Variants in CPQ observed in about 807,000 individuals in gnomAD.
The protein encoded by CPQ is carboxypeptidase Q, also known as Ser-Met dipeptidase.
A neutral mutation model predicts 45.7 loss-of-function variants in CPQ; 37 were observed. The observed-to-expected ratio is 0.81, with a 90% CI of 0.62 to 1.07. The LOEUF (loss-of-function observed/expected upper bound fraction) is 1.07. Among genes scored for constraint, CPQ ranks in the 50% least tolerant of loss-of-function variants. CPQ has a pLI of 0.00. For missense variants in CPQ, 537 were observed against 572.9 expected (o/e 0.94, Z 0.64); for synonymous variants, 186 against 205.8 (o/e 0.90, Z 0.82).
At chr8:97,102,912 T>G (rs1261947495) in intron 7 of CPQ, among the ~76,000 whole-genome samples, 2 of 152,188 alleles carry the variant, frequency 1.3e-5, no homozygotes, top group African/African-American at 2.4e-5. Flanking sequence ...TCTGCTTCAC[T>G]GGGCTAAAGT....
At chr8:96,757,643 T>C (rs369328108) in intron 1 of CPQ, among the ~76,000 whole-genome samples, 2 of 152,154 alleles carry the variant, frequency 1.3e-5, no homozygotes, top group East Asian at 1.9e-4. Context: ...TTTCAGCTTG[T>C]TCTCTATTTA....
At chr8:96,670,050 T>A (rs1808980705) in intron 1 of CPQ, among the ~76,000 whole-genome samples, 1 of 152,226 alleles carries the variant, frequency 6.6e-6, no homozygotes, top group Admixed American at 6.5e-5. Flanking sequence ...AGAACTCATA[T>A]CTGAACAAAG....
At chr8:96,923,817 A>AC (rs1298446640) in intron 4 of CPQ, among the ~76,000 whole-genome samples, 1 of 152,216 alleles carries the variant, frequency 6.6e-6, no homozygotes, top group African/African-American at 2.4e-5. Context: ...GGGAAAAAAA[A>AC]CAACAAAATA....
intron 4 of CPQ, among the ~76,000 whole-genome samples, chr8:96,883,109 C>A (rs1254197876): frequency 6.6e-6 from 1 of 152,160 alleles, no homozygotes; most frequent in Non-Finnish European, 1.5e-5. Flanking sequence ...TCAGTTGTTT[C>A]TTCCTTTATA....
intron 1 of CPQ, among the ~76,000 whole-genome samples, chr8:96,730,904 T>A (rs556191168): frequency 0.022 from 3,164 of 142,128 alleles, 96 homozygotes; most frequent in Admixed American, 0.043. Context: ...CATTTTTTTT[T>A]AAAAAGATAC....
rs17796826 is a variant in CPQ at position 96,951,758 on chromosome 8, T to C, written c.850-14177T>C. Among the ~76,000 whole-genome samples, 932 of 152,232 alleles carry C rather than the reference T, an allele frequency of 6.1e-3. 11 individuals carry two copies. In the Middle Eastern group the frequency reaches 0.078, roughly 13 times the overall value. The stretch of plus-strand genomic sequence containing the variant: ...TACTCCCTCTAATTCAAACTGGCAG[T>C]GCATAGTACCCTAAACCAGTGCCCG... On this transcript the variant is annotated intron_variant, in intron 4 of 7. Coordinates refer to ENST00000220763, the MANE Select transcript of CPQ (RefSeq NM_016134.4).
At chr8:97,124,026 C>A (rs56381060) in intron 7 of CPQ, among the ~76,000 whole-genome samples, 1 of 151,754 alleles carries the variant, frequency 6.6e-6, no homozygotes, top group African/African-American at 2.4e-5. Context: ...GAGTTTGAGA[C>A]CAGCCTGGCC....
At chr8:96,957,627 G>A (rs545384887) in intron 4 of CPQ, among the ~76,000 whole-genome samples, 6 of 151,914 alleles carry the variant, frequency 3.9e-5, no homozygotes, top group South Asian at 2.1e-4. Flanking sequence ...GGTGAAAACC[G>A]GTATCTACTG....
chr8:96,863,557 C>T (rs771223104), intron 3 of CPQ, among the ~76,000 whole-genome samples: 12 of 151,928 alleles, frequency 7.9e-5, no homozygotes, highest in Admixed American at 1.3e-4. Flanking sequence ...AATTAATGAG[C>T]TTATTTCTTT....
chr8:96,703,698 G>A (rs1350410537), intron 1 of CPQ, among the ~76,000 whole-genome samples: 1 of 152,074 alleles, frequency 6.6e-6, no homozygotes, highest in Non-Finnish European at 1.5e-5. Context: ...ATAAGATTAA[G>A]GTCCATCTGT....
At chr8:96,916,143 A>G (rs1812729748) in intron 4 of CPQ, among the ~76,000 whole-genome samples, 2 of 152,168 alleles carry the variant, frequency 1.3e-5, no homozygotes, top group South Asian at 4.1e-4. Flanking sequence ...ACTTTAGAGT[A>G]TGCGAGTTGA....
chr8:96,720,831 G>A (rs1281703722), intron 1 of CPQ, among the ~76,000 whole-genome samples: 1 of 152,112 alleles, frequency 6.6e-6, no homozygotes, highest in Admixed American at 6.5e-5. Context: ...TCCCTGCCAA[G>A]AACTAATTTT....
intron 1 of CPQ, among the ~76,000 whole-genome samples, chr8:96,645,713 A>G (rs1305886369): frequency 1.6e-4 from 25 of 151,820 alleles, no homozygotes. Flanking sequence ...CCTTCCCAAC[A>G]CGGTTTCACT....
At chr8:97,117,151 T>A (rs1811609025) in intron 7 of CPQ, among the ~76,000 whole-genome samples, 1 of 152,238 alleles carries the variant, frequency 6.6e-6, no homozygotes, top group Non-Finnish European at 1.5e-5. Flanking sequence ...TGGTTTTTCA[T>A]GTATATTTTT....
At chr8:97,091,670 T>C (rs951618960) in intron 7 of CPQ, among the ~76,000 whole-genome samples, 11 of 152,184 alleles carry the variant, frequency 7.2e-5, no homozygotes, top group African/African-American at 2.7e-4. Flanking sequence ...GATTTCAAAA[T>C]GCAAATCCCT....
intron 1 of CPQ, among the ~76,000 whole-genome samples, chr8:96,697,972 A>G (rs1000061575): frequency 6.6e-6 from 1 of 152,122 alleles, no homozygotes; most frequent in Non-Finnish European, 1.5e-5. Context: ...CATGATACCA[A>G]TGACTTTCTT....
At chr8:97,096,584 C>T (rs918324272) in intron 7 of CPQ, among the ~76,000 whole-genome samples, 2 of 152,112 alleles carry the variant, frequency 1.3e-5, no homozygotes, top group African/African-American at 4.8e-5. Context: ...TTGGAGAAGG[C>T]GGCATTTGAT....
intron 4 of CPQ, among the ~76,000 whole-genome samples, chr8:96,880,574 T>TATATATAC (rs1554575281): frequency 1.7e-5 from 2 of 114,934 alleles, no homozygotes; most frequent in African/African-American, 7.3e-5. Context: ...TATATATATA[T>TATATATAC]ATACCATGGA....
intron 7 of CPQ, among the ~76,000 whole-genome samples, chr8:97,077,117 C>G (rs951884632): frequency 2.6e-5 from 4 of 152,148 alleles, no homozygotes; most frequent in Non-Finnish European, 5.9e-5. Flanking sequence ...GAAATGGCAA[C>G]CACGGTGGCA....
Sources: allele counts gnomAD v4.1 joint callset (sites outside exome capture counted in the v4.1 genomes callset), GRCh38; gene constraint gnomAD v4.1.1; transcripts MANE v1.5; gene names NCBI Gene and HGNC (gene_info 2026-07-23, HGNC 2026-07-21).